REEP5: variants seen among roughly 807,000 people sequenced by gnomAD.
The protein encoded by REEP5 is receptor expression-enhancing protein 5.
A neutral mutation model predicts 22.4 loss-of-function variants in REEP5; 24 were observed. The observed-to-expected ratio is 1.07, with a 90% CI of 0.78 to 1.51. The LOEUF (loss-of-function observed/expected upper bound fraction) is 1.51, where lower values mean the gene tolerates loss of function less well. Ranked by LOEUF, REEP5 falls within the 40% of genes most tolerant of loss-of-function variation. The pLI is 0.00. For synonymous variants in REEP5, 103 were observed against 88.6 expected, an observed-to-expected ratio of 1.16 and a Z score of -0.92; for missense variants, 252 against 233.0, an observed-to-expected ratio of 1.08 and a Z score of -0.53.
rs933656061 is a variant in REEP5 at position 112,922,160 on chromosome 5, G to A, written c.31C>T (p.Arg11Trp). Residue 11 changes from arginine (R) to tryptophan (W), a missense_variant, in exon 1 of 5, where the codon CGG (arginine) becomes TGG (tryptophan). Physicochemically the swap from Arg to Trp is moderately radical, Grantham distance 101. Transcript: ENST00000379638. ...ATGCAGTTCTTCTCGTGCAGGAACC[G>A]GTCGAACCTCTCCCTCATGGCCGCA... MSAAMRERFDRFLHEKNCMTD... is the reference protein window; with the variant it reads MSAAMRERFDWFLHEKNCMTD... 1.2e-6 allele frequency: 2 copies of A among 1,608,214 alleles called. No homozygotes were observed. The highest frequency in any genetic ancestry group is 1.1e-5 in the South Asian group (1 of 90,230).
intron 2 of REEP5, among the ~76,000 whole-genome samples, chr5:112,913,508 A>G (rs1422010766): frequency 7.0e-6 from 1 of 143,372 alleles, no homozygotes; most frequent in African/African-American, 2.6e-5. Flanking sequence ...ACTGCACTGC[A>G]GCCTGGGTGA....
intron 3 of REEP5, chr5:112,897,012 A>T (rs1189778514): frequency 6.6e-6 from 1 of 152,228 alleles, no homozygotes; most frequent in Non-Finnish European, 1.5e-5. Flanking sequence ...ATTATGTATA[A>T]TCGCATGACA....
At chr5:112,878,867 T>A in intron 4 of REEP5, 32 bp from the exon 5 acceptor site, 9 of 1,613,768 alleles carry the variant, frequency 5.6e-6, no homozygotes, top group Non-Finnish European at 7.6e-6. Flanking sequence ...AAGAAAAATA[T>A]ATCAAAGCTC....
intron 4 of REEP5, among the ~76,000 whole-genome samples, chr5:112,879,719 G>A (rs1244403715): frequency 6.6e-6 from 1 of 151,952 alleles, no homozygotes; most frequent in Non-Finnish European, 1.5e-5. Flanking sequence ...CTCGTGATCT[G>A]CCCGCCTTGG....
intron 1 of REEP5, chr5:112,921,725 T>A (rs1769374164): frequency 4.3e-6 from 1 of 233,114 alleles, no homozygotes; most frequent in Non-Finnish European, 8.3e-6. Flanking sequence ...GGTACCTCCG[T>A]CAACGCGCCC....
At chr5:112,886,373 G>A (rs554466731) in intron 4 of REEP5, among the ~76,000 whole-genome samples, 4 of 152,320 alleles carry the variant, frequency 2.6e-5, no homozygotes, top group Middle Eastern at 3.4e-3. Flanking sequence ...TATTTATTAT[G>A]TGAGGGTGAT....
chr5:112,897,507 T>C (rs1385864519), intron 3 of REEP5: 2 of 152,168 alleles, frequency 1.3e-5, no homozygotes, highest in East Asian at 1.9e-4. Flanking sequence ...AATAAAGGAA[T>C]GAGCATATGT....
intron 2 of REEP5, among the ~76,000 whole-genome samples, chr5:112,908,320 C>G (rs1769009242): frequency 6.6e-6 from 1 of 151,908 alleles, no homozygotes; most frequent in South Asian, 2.1e-4. Flanking sequence ...CCAAGTTGGT[C>G]TCAAACTCCT....
intron 2 of REEP5, among the ~76,000 whole-genome samples, chr5:112,912,612 T>A (rs1160761839): frequency 6.6e-6 from 1 of 152,150 alleles, no homozygotes; most frequent in Non-Finnish European, 1.5e-5. Flanking sequence ...TTCCAGAGGT[T>A]AAGATAGGTT....
intron 2 of REEP5, among the ~76,000 whole-genome samples, chr5:112,908,094 GTTTTTTGTTTT>G (rs1768997165): frequency 4.1e-5 from 3 of 72,610 alleles, no homozygotes; most frequent in Non-Finnish European, 8.8e-5. Context: ...GACTTTCTTT[GTTTTTTGTTTT>G]TTTTTTTTTT....
intron 2 of REEP5, among the ~76,000 whole-genome samples, chr5:112,913,265 C>G (rs1164562237): frequency 6.7e-6 from 1 of 149,580 alleles, no homozygotes; most frequent in Non-Finnish European, 1.5e-5. Context: ...TGCACTCCAG[C>G]CTGGGCAACA....
chr5:112,887,490 C>A (rs1030556485), intron 3 of REEP5, among the ~76,000 whole-genome samples: 1 of 152,094 alleles, frequency 6.6e-6, no homozygotes, highest in Non-Finnish European at 1.5e-5. Flanking sequence ...TTTTATTAAT[C>A]ATAACTCTTA....
intron 4 of REEP5, among the ~76,000 whole-genome samples, chr5:112,879,078 C>T (rs1304770884): frequency 6.6e-6 from 1 of 151,982 alleles, no homozygotes; most frequent in Non-Finnish European, 1.5e-5. Flanking sequence ...TAGCCTAGCC[C>T]CTTGTTGTGA....
intron 2 of REEP5, among the ~76,000 whole-genome samples, chr5:112,909,648 C>T (rs1769046542): frequency 6.6e-6 from 1 of 152,156 alleles, no homozygotes; most frequent in Non-Finnish European, 1.5e-5. Flanking sequence ...AAATTCTTTA[C>T]ATTGGCATTG....
intron 2 of REEP5, among the ~76,000 whole-genome samples, chr5:112,910,445 A>C (rs1275325423): frequency 1.3e-5 from 2 of 152,240 alleles, no homozygotes; most frequent in Non-Finnish European, 2.9e-5. Flanking sequence ...TTGCTCTAAA[A>C]AATAAAATCC....
chr5:112,919,454 A>G (rs1015665564), intron 2 of REEP5, among the ~76,000 whole-genome samples: 1 of 144,854 alleles, frequency 6.9e-6, no homozygotes, highest in African/African-American at 2.6e-5. Flanking sequence ...AGGCTGAGGC[A>G]GGAGAATTGC....
chr5:112,886,032 C>T (rs1768232762), intron 4 of REEP5, among the ~76,000 whole-genome samples: 1 of 152,222 alleles, frequency 6.6e-6, no homozygotes, highest in South Asian at 2.1e-4. Context: ...GACATGGCCT[C>T]TCCACTTGGT....
At chr5:112,892,224 A>T in intron 3 of REEP5, 1 of 1,614,158 alleles carries the variant, frequency 6.2e-7, no homozygotes, top group Non-Finnish European at 8.5e-7. Flanking sequence ...GTTCACGTAA[A>T]CATAATTTCC....
At chr5:112,907,678 G>T (rs569024644) in intron 2 of REEP5, among the ~76,000 whole-genome samples, 8 of 152,296 alleles carry the variant, frequency 5.3e-5, no homozygotes, top group African/African-American at 1.9e-4. Flanking sequence ...TAGACAAAAT[G>T]AAATTTAAAG....
Sources: gnomAD v4.1 joint callset for allele counts (sites outside exome capture counted in the v4.1 genomes callset) on GRCh38, gnomAD v4.1.1 for gene constraint, MANE v1.5 for transcripts, NCBI Gene and HGNC (gene_info 2026-07-23, HGNC 2026-07-21) for gene names.